ZNF534: variants seen among roughly 807,000 people sequenced by gnomAD.
ZNF534 encodes the protein KRAB domain only 3.
ZNF534 carries 19 observed loss-of-function variants against 13.6 expected under a neutral mutation model. That is an observed-to-expected ratio of 1.40 (90% CI 0.97 to 2.05). The LOEUF is 2.05. Among genes scored for constraint, ZNF534 ranks in the 30% most tolerant of loss-of-function variants. The pLI, the probability that ZNF534 is intolerant of heterozygous loss-of-function variation, is 0.00. For missense variants in ZNF534, 782 were observed against 796.3 expected (o/e 0.98, Z 0.22); for synonymous variants, 244 against 273.8 (o/e 0.89, Z 1.07).
rs533397448 is a variant in ZNF534 at position 52,439,618 on chromosome 19, G to A, written c.*172G>A. On this transcript the variant is annotated 3_prime_UTR_variant, in exon 5 of 5. Coordinates refer to ENST00000433050, the MANE Select transcript of ZNF534 (RefSeq NM_001143938.3). ...AAAAAAAAAAAAAAAAATTAGCTGG[G>A]TGTGGTGGCAGGCACCTGTAGTCCC... Among the ~76,000 whole-genome samples, 44 of 152,090 alleles carry A rather than the reference G, an allele frequency of 2.9e-4. No homozygotes were observed. Among genetic ancestry groups the A allele is most frequent in the African/African-American group, 1.0e-3 (42 of 41,456 alleles).
At chr19:52,433,833 T>A in intron 2 of ZNF534, 122 bp from the exon 3 acceptor site, 1 of 1,084,168 alleles carries the variant, frequency 9.2e-7, no homozygotes. Context: ...CAAGAATCCT[T>A]TAATGTGGAT....
Position 52,439,785 on chromosome 19 carries a change from G to A in ZNF534, c.*339G>A, listed in dbSNP as rs1466673621. ...AAAAGAAAAAAAAAAAATGAGTGAA[G>A]CTGCCAAGCATGGTGGCTCACGCCT... On this transcript the variant is annotated 3_prime_UTR_variant, in exon 5 of 5. Transcript: ENST00000433050. 6.7e-6 allele frequency among the ~76,000 whole-genome samples: 1 copy of A among 150,236 alleles called. No homozygotes were observed. The highest frequency in any genetic ancestry group is 1.5e-5 in the Non-Finnish European group (1 of 67,636).
At chr19:52,451,291 T>G (rs1403104527) in exon 5 of ZNF534, 1 of 1,074,734 alleles carries the variant, frequency 9.3e-7, no homozygotes, top group Non-Finnish European at 1.4e-6. Flanking sequence ...GGGAAATGAC[T>G]CCCCTCTGCC....
rs2059160144 is a variant in ZNF534, at chr19:52,439,769, A to C, written c.*323A>C. 6.6e-6 allele frequency among the ~76,000 whole-genome samples: 1 copy of C among 151,894 alleles called. No individual in the cohort carries two copies. The highest frequency in any genetic ancestry group is 6.6e-5 in the Admixed American group (1 of 15,232). On this transcript the variant is annotated 3_prime_UTR_variant, in exon 5 of 5. Transcript: ENST00000433050. ...GAAACTCCATCTCAAAAAAAGAAAA[A>C]AAAAAAATGAGTGAAGCTGCCAAGC...
chr19:52,450,670 G>GTTTTTTTTT (rs796423133), intron 4 of ZNF534, among the ~76,000 whole-genome samples: 2 of 37,768 alleles, frequency 5.3e-5, no homozygotes, highest in Non-Finnish European at 1.2e-4. Context: ...AATTTTAGGA[G>GTTTTTTTTT]TTTTTTTTTT....
At chr19:52,451,100 T>G in intron 4 of ZNF534, 1 of 582,532 alleles carries the variant, frequency 1.7e-6, no homozygotes, top group Non-Finnish European at 3.0e-6. Flanking sequence ...ATATTAATTT[T>G]TTCCCACCCA....
intron 4 of ZNF534, among the ~76,000 whole-genome samples, chr19:52,449,319 C>T (rs1284223928): frequency 6.6e-6 from 1 of 151,696 alleles, no homozygotes; most frequent in African/African-American, 2.4e-5. Context: ...CATGGGTGTG[C>T]AGATATCACT....
chr19:52,434,501 T>C (rs1319240220), intron 3 of ZNF534, among the ~76,000 whole-genome samples: 1 of 149,248 alleles, frequency 6.7e-6, no homozygotes, highest in Non-Finnish European at 1.5e-5. Context: ...TGAAAAGCAT[T>C]ATGCTTTCTG....
intron 1 of ZNF534, among the ~76,000 whole-genome samples, chr19:52,430,720 G>T (rs1379198150): frequency 6.6e-6 from 1 of 151,052 alleles, no homozygotes; most frequent in Non-Finnish European, 1.5e-5. Flanking sequence ...GCTAAATTTT[G>T]TATTTTTAGG....
At chr19:52,429,592 CTTT>C (rs112310318) in intron 1 of ZNF534, among the ~76,000 whole-genome samples, 15,303 of 137,832 alleles carry the variant, frequency 0.11, 897 homozygotes, top group African/African-American at 0.18. Context: ...ACTTAATAGT[CTTT>C]TTTTTTTTTT....
chr19:52,431,597 T>A, intron 2 of ZNF534, 108 bp downstream of exon 2: 1 of 1,427,212 alleles, frequency 7.0e-7, no homozygotes, highest in African/African-American at 1.4e-5. Flanking sequence ...ACTCATTTCA[T>A]TGCACTTACC....
intron 1 of ZNF534, among the ~76,000 whole-genome samples, chr19:52,429,703 C>G (rs2059074266): frequency 6.6e-6 from 1 of 151,406 alleles, no homozygotes. Context: ...TCAAGCGATT[C>G]TCCCGCCTGG....
intron 3 of ZNF534, among the ~76,000 whole-genome samples, chr19:52,434,537 C>T (rs2059116144): frequency 6.7e-6 from 1 of 149,856 alleles, no homozygotes; most frequent in Non-Finnish European, 1.5e-5. Context: ...CTTACACCAG[C>T]CTGACCAACC....
intron 2 of ZNF534, 123 bp from the exon 3 acceptor site, chr19:52,433,832 T>C (rs775708021): frequency 5.1e-5 from 55 of 1,083,802 alleles, no homozygotes; most frequent in Non-Finnish European, 7.1e-5. Context: ...TCAAGAATCC[T>C]TTAATGTGGA....
At chr19:52,451,983 T>C in exon 5 of ZNF534, 1 of 323,418 alleles carries the variant, frequency 3.1e-6, no homozygotes, top group Non-Finnish European at 6.2e-6. Flanking sequence ...TCATACCTTT[T>C]TCTTAAAAAC....
intron 3 of ZNF534, among the ~76,000 whole-genome samples, chr19:52,434,286 G>A (rs2059113599): frequency 6.6e-6 from 1 of 151,628 alleles, no homozygotes; most frequent in Non-Finnish European, 1.5e-5. Flanking sequence ...ACGAGGTCAG[G>A]AGATCGAGAC....
intron 4 of ZNF534, among the ~76,000 whole-genome samples, chr19:52,450,747 T>C (rs1290696849): frequency 7.2e-6 from 1 of 139,646 alleles, no homozygotes; most frequent in Non-Finnish European, 1.5e-5. Flanking sequence ...AGTGCAGTAG[T>C]GCGATTTCAG....
At chr19:52,448,103 G>A (rs941125036) in intron 4 of ZNF534, among the ~76,000 whole-genome samples, 3 of 152,044 alleles carry the variant, frequency 2.0e-5, no homozygotes, top group East Asian at 1.9e-4. Context: ...GCAACATAGC[G>A]TGACCTCATC....
rs781348906 is a variant in ZNF534 at position 52,434,128 on chromosome 19, T to C, written c.142+47T>C. ...AAGCCTGCATCTGCTCTGGTATATC[T>C]TTTTGCATTTTCTCTTGTGTGTCTC... On this transcript the variant is annotated intron_variant, in intron 3 of 4. Coordinates refer to ENST00000433050, the MANE Select transcript of ZNF534 (RefSeq NM_001143938.3). 5.7e-6 allele frequency: 9 copies of C among 1,583,208 alleles called. No individual in the cohort carries two copies. In the Admixed American group the frequency reaches 1.5e-4, roughly 27 times the overall value.
Sources: gnomAD v4.1 joint callset for allele counts (sites outside exome capture counted in the v4.1 genomes callset) on GRCh38, gnomAD v4.1.1 for gene constraint, MANE v1.5 for transcripts, NCBI Gene and HGNC (gene_info 2026-07-23, HGNC 2026-07-21) for gene names.